The following UNC79 variants were observed in gnomAD, a reference collection of about 807,000 sequenced individuals.
UNC79 encodes protein unc-79 homolog.
A neutral mutation model predicts 283.1 loss-of-function variants in UNC79; 37 were observed. The observed-to-expected ratio is 0.13, with a 90% CI of 0.10 to 0.17. UNC79 has a LOEUF of 0.17. UNC79 is among the 10% of genes least tolerant of loss of function. The probability of loss-of-function intolerance (pLI) is 1.00; values close to 1 mark genes in which losing one functional copy is unlikely to be tolerated. For synonymous variants in UNC79, 1,107 were observed against 1,200.2 expected (o/e 0.92, Z 1.61); for missense variants, 2,272 against 3,211.1 (o/e 0.71, Z 7.07).
At chr14:93,633,863 G>T (rs543460188) in intron 31 of UNC79, among the ~76,000 whole-genome samples, 1 of 152,192 alleles carries the variant, frequency 6.6e-6, no homozygotes, top group African/African-American at 2.4e-5. Context: ...GAATATACTC[G>T]TGGAATGTTG....
intron 41 of UNC79, among the ~76,000 whole-genome samples, chr14:93,675,491 A>G (rs976956869): frequency 2.6e-5 from 4 of 152,230 alleles, no homozygotes; most frequent in African/African-American, 9.6e-5. Context: ...TGCAACGGGT[A>G]CAGTAGTAGA....
At chr14:93,643,281 G>A (rs1018717362) in intron 33 of UNC79, among the ~76,000 whole-genome samples, 1 of 152,220 alleles carries the variant, frequency 6.6e-6, no homozygotes, top group African/African-American at 2.4e-5. Context: ...CTCATTCTAA[G>A]TGAGAGCAGT....
intron 14 of UNC79, among the ~76,000 whole-genome samples, chr14:93,544,777 G>A (rs999428483): frequency 4.6e-5 from 7 of 152,194 alleles, no homozygotes; most frequent in African/African-American, 1.7e-4. Flanking sequence ...TTTGAGTACG[G>A]AGGGCAGACA....
chr14:93,586,501 T>G (rs1595959470), intron 20 of UNC79, 95 bp from the exon 21 acceptor site: 1 of 1,172,488 alleles, frequency 8.5e-7, no homozygotes, highest in East Asian at 2.5e-5. Context: ...TATGTCAATT[T>G]TTTACTCTTC....
intron 7 of UNC79, among the ~76,000 whole-genome samples, chr14:93,499,354 G>A (rs369266544): frequency 1.3e-5 from 2 of 152,152 alleles, no homozygotes; most frequent in African/African-American, 2.4e-5. Flanking sequence ...CTTCCCATTC[G>A]ATCCCTGAAA....
intron 3 of UNC79, among the ~76,000 whole-genome samples, 191 bp from the exon 4 acceptor site, chr14:93,477,367 C>T (rs567596375): frequency 1.3e-5 from 2 of 152,168 alleles, no homozygotes; most frequent in Non-Finnish European, 2.9e-5. Context: ...CATATTCATT[C>T]ATCAGTCATT....
At chr14:93,486,730 G>C (rs2058463070) in intron 4 of UNC79, among the ~76,000 whole-genome samples, 1 of 151,152 alleles carries the variant, frequency 6.6e-6, no homozygotes, top group Non-Finnish European at 1.5e-5. Flanking sequence ...ACTTCCATCA[G>C]TGCTACTTTT....
At chr14:93,487,561 A>ATT (rs33942732) in intron 4 of UNC79, 102 bp from the exon 5 acceptor site, 12,043 of 683,804 alleles carry the variant, frequency 0.018, 30 homozygotes, top group African/African-American at 0.037. Flanking sequence ...TATTGGAGCT[A>ATT]TTTTTTTTTT....
rs142122040 is a variant in UNC79 at position 93,412,805 on chromosome 14, A to G, written c.-350-54866A>G. On this transcript the variant is annotated intron_variant, in intron 1 of 49. Coordinates refer to the UNC79 transcript ENST00000256339. The stretch of plus-strand genomic sequence containing the variant: ...GTATATCCAGTGAAAATATCCTTCA[A>G]ACATGAAGGAGAAATACCTTCCCAG... 1.7e-4 allele frequency among the ~76,000 whole-genome samples: 26 copies of G among 152,256 alleles called. No individual in the cohort carries two copies. The East Asian group carries it at 4.3e-3, about 25-fold the overall frequency.
At chr14:93,386,411 T>G (rs2054775490) in intron 1 of UNC79, among the ~76,000 whole-genome samples, 1 of 152,200 alleles carries the variant, frequency 6.6e-6, no homozygotes, top group African/African-American at 2.4e-5. Flanking sequence ...TATGTATCAG[T>G]GATACTGGCC....
chr14:93,455,707 T>C (rs1188283680), intron 1 of UNC79, among the ~76,000 whole-genome samples: 1 of 152,204 alleles, frequency 6.6e-6, no homozygotes, highest in African/African-American at 2.4e-5. Flanking sequence ...GTAGTTTATA[T>C]ATGCAATATT....
chr14:93,618,171 CT>C lies in UNC79; in HGVS notation c.4225-20del. ...CTCTAAAATAACCATTTATCTTTTTCTCTCTCGTTTCATTGGGCAGTATCCA... is the reference window on the plus strand; with the variant it reads ...CTCTAAAATAACCATTTATCTTTTTCCTCTCGTTTCATTGGGCAGTATCCA... On this transcript the variant is annotated intron_variant, in intron 28 of 48. Transcript: ENST00000555664. 6.3e-7 allele frequency: 1 copy of C among 1,594,210 alleles called. No individual in the cohort carries two copies.
chr14:93,466,602 G>A (rs184699116), intron 1 of UNC79, among the ~76,000 whole-genome samples: 5 of 152,322 alleles, frequency 3.3e-5, no homozygotes, highest in Admixed American at 1.3e-4. Flanking sequence ...AGGATTTTGA[G>A]TTAGAATGCA....
At chr14:93,439,734 T>C (rs1350904052) in intron 1 of UNC79, among the ~76,000 whole-genome samples, 1 of 152,174 alleles carries the variant, frequency 6.6e-6, no homozygotes, top group Non-Finnish European at 1.5e-5. Flanking sequence ...CCTGTGCTTT[T>C]TTTGTAGTGG....
intron 30 of UNC79, among the ~76,000 whole-genome samples, chr14:93,623,886 C>T (rs12434382): frequency 0.047 from 7,194 of 151,912 alleles, 498 homozygotes; most frequent in African/African-American, 0.15. Context: ...AGTGAGACTC[C>T]GTCTAAAAAA....
chr14:93,660,040 A>C (rs905120191), intron 39 of UNC79, among the ~76,000 whole-genome samples: 1 of 152,224 alleles, frequency 6.6e-6, no homozygotes, highest in Non-Finnish European at 1.5e-5. Context: ...CACAAGCTTC[A>C]AGAAGTTCTG....
chr14:93,584,960 G>A (rs1207513230), intron 20 of UNC79, among the ~76,000 whole-genome samples: 1 of 151,914 alleles, frequency 6.6e-6, no homozygotes, highest in East Asian at 1.9e-4. Context: ...GCCTCCCAAA[G>A]TGCTAGGATT....
At chr14:93,501,983 C>A (rs2059313750) in intron 7 of UNC79, among the ~76,000 whole-genome samples, 1 of 152,096 alleles carries the variant, frequency 6.6e-6, no homozygotes, top group Admixed American at 6.5e-5. Flanking sequence ...ATTTTCTAAA[C>A]ATAGTTAACA....
intron 4 of UNC79, among the ~76,000 whole-genome samples, chr14:93,480,197 A>C (rs1426870624): frequency 6.6e-6 from 1 of 152,228 alleles, no homozygotes; most frequent in African/African-American, 2.4e-5. Context: ...GGAGAATAAA[A>C]CAGTAAGTTG....
Sources: allele counts gnomAD v4.1 joint callset (sites outside exome capture counted in the v4.1 genomes callset), GRCh38; gene constraint gnomAD v4.1.1; transcripts MANE v1.5; gene names NCBI Gene and HGNC (gene_info 2026-07-23, HGNC 2026-07-21).